The following ACSBG2 variants were observed in gnomAD, a reference collection of about 807,000 sequenced individuals.
ACSBG2 encodes the protein acyl-CoA synthetase bubblegum family member 2.
In ACSBG2, 62 loss-of-function variants were observed where a neutral mutation model predicts 74.7. The observed-to-expected ratio is 0.83, with a 90% confidence interval of 0.68 to 1.03. The LOEUF is 1.03. Ranked by LOEUF, ACSBG2 falls within the 50% of genes least tolerant of loss-of-function variation. The pLI, the probability that ACSBG2 is intolerant of heterozygous loss-of-function variation, is 0.00. For missense variants in ACSBG2, 730 were observed against 817.6 expected, an observed-to-expected ratio of 0.89 and a Z score of 1.31; for synonymous variants, 309 against 294.1, an observed-to-expected ratio of 1.05 and a Z score of -0.52.
intron 5 of ACSBG2, chr19:6,160,513 T>G (rs2089572478): frequency 6.6e-6 from 1 of 152,098 alleles, no homozygotes; most frequent in Admixed American, 6.6e-5. Flanking sequence ...TCATGAAGGA[T>G]TTTTATTGCC....
intron 7 of ACSBG2, among the ~76,000 whole-genome samples, chr19:6,166,499 A>G (rs916406755): frequency 6.6e-6 from 1 of 152,022 alleles, no homozygotes; most frequent in African/African-American, 2.4e-5. Flanking sequence ...TGTTTATTAG[A>G]GACAGGGTTT....
intron 1 of ACSBG2, among the ~76,000 whole-genome samples, chr19:6,140,406 G>T (rs2088777411): frequency 6.6e-6 from 1 of 152,118 alleles, no homozygotes; most frequent in African/African-American, 2.4e-5. Flanking sequence ...TCGGCCAGGC[G>T]CAATGGCTTA....
rs769276499 is a variant in ACSBG2 at position 6,156,596 on chromosome 19, C to T, written c.507+45C>T. 11 of 1,486,536 alleles carry T rather than the reference C, an allele frequency of 7.4e-6. No homozygotes were observed. The African/African-American group carries it at 1.4e-4, about 19-fold the overall frequency. The allele number at this position is 1,486,536 out of a possible 1,614,324, so 92.1% of individuals were successfully genotyped here. A position where few individuals can be genotyped will look rare whatever the true frequency, so the allele number is the denominator to read the frequency against. The stretch of plus-strand genomic sequence containing the variant: ...TGCCTGCCAAAGTCACCCAGGGGTA[C>T]CTCAGGGCTCTGGGCAGGTGTTCTT... On this transcript the variant is annotated intron_variant, in intron 5 of 14. Transcript: ENST00000588485.
At chr19:6,156,738 G>A (rs1178461159) in intron 5 of ACSBG2, among the ~76,000 whole-genome samples, 187 bp downstream of exon 5, 1 of 151,918 alleles carries the variant, frequency 6.6e-6, no homozygotes, top group African/African-American at 2.4e-5. Flanking sequence ...CTGAAATAGA[G>A]GAGTTTGATT....
intron 2 of ACSBG2, among the ~76,000 whole-genome samples, chr19:6,143,720 T>TACTCCTCATCACCCCCA (rs2145008576): frequency 6.6e-6 from 1 of 152,310 alleles, no homozygotes; most frequent in Non-Finnish European, 1.5e-5. Context: ...CTAGATGCTC[T>TACTCCTCATCACCCCCA]TCTCCTCATC....
At position 6,166,029 on chromosome 19, in the gene ACSBG2, C is replaced by T; in HGVS notation, c.738+14C>T. On this transcript the variant is annotated intron_variant, in intron 7 of 14. Transcript: ENST00000588485. ...AGTCATGACAACGTACGCCAAAGTC[C>T]CTTTGCTCTGGAGTGGTGGCCTTTG... The T allele has an allele frequency of 6.2e-7, 1 of 1,613,404 alleles. No homozygotes were observed. The highest frequency in any genetic ancestry group is 8.5e-7 in the Non-Finnish European group (1 of 1,179,730).
chr19:6,143,321 T>C (rs924775081), intron 2 of ACSBG2, among the ~76,000 whole-genome samples: 4 of 151,784 alleles, frequency 2.6e-5, no homozygotes, highest in Admixed American at 6.6e-5. Flanking sequence ...GGTAGTGAGG[T>C]TGCAGTGAGC....
At position 6,165,954 on chromosome 19, in the gene ACSBG2, T is replaced by C; in HGVS notation, c.677T>C (p.Val226Ala). 6.2e-7 allele frequency: 1 copy of C among 1,613,628 alleles called. No individual in the cohort carries two copies. Among genetic ancestry groups the C allele is most frequent in the Non-Finnish European group, 8.5e-7 (1 of 1,179,850 alleles). Residue 226 changes from valine to alanine, a missense_variant, in exon 7 of 15, where the codon GTG becomes GCG. Transcript: ENST00000588485. The stretch of plus-strand genomic sequence containing the variant: ...AGCCAGAAGGCGAATCAATGCGCAG[T>C]GCTCATCTACACTTCAGGGACCACA... The part of the protein sequence containing the change: ...IESQKANQCA[V>A]LIYTSGTTGI...
chr19:6,151,377 A>G (rs913585468), intron 3 of ACSBG2, among the ~76,000 whole-genome samples: 7 of 152,090 alleles, frequency 4.6e-5, no homozygotes, highest in African/African-American at 1.7e-4. Flanking sequence ...GTGCAATCAT[A>G]GCTCACTGCA....
At chr19:6,161,545 C>T (rs970004468) in intron 6 of ACSBG2, 8 of 390,246 alleles carry the variant, frequency 2.0e-5, no homozygotes, top group Middle Eastern at 7.4e-4. Flanking sequence ...GGGGTGTGAC[C>T]TTACAAGGGA....
intron 11 of ACSBG2, among the ~76,000 whole-genome samples, chr19:6,186,718 T>G (rs2090418013): frequency 6.6e-6 from 1 of 152,194 alleles, no homozygotes; most frequent in Non-Finnish European, 1.5e-5. Context: ...TACTATTTTA[T>G]TTTTCAGAGA....
Position 6,180,523 on chromosome 19 carries a change from A to G in ACSBG2, c.907-2228A>G, listed in dbSNP as rs2090217481. On this transcript the variant is annotated intron_variant, in intron 8 of 14. Coordinates refer to ENST00000588485, the MANE Select transcript of ACSBG2 (RefSeq NM_030924.5). The surrounding 1 kb of genome is among the most constrained non-coding windows in gnomAD (Gnocchi z 4.3). The stretch of plus-strand genomic sequence containing the variant: ...CTGAATACATAATACATACACATTT[A>G]CCTACAGGACCTGAGAAGTTCCCAT... Among the ~76,000 whole-genome samples the G allele has an allele frequency of 6.6e-6, 1 of 152,172 alleles. No homozygotes were observed. The highest frequency in any genetic ancestry group is 1.5e-5 in the Non-Finnish European group (1 of 68,034).
At chr19:6,171,662 T>A (rs6510879) in intron 7 of ACSBG2, among the ~76,000 whole-genome samples, 10,923 of 152,152 alleles carry the variant, frequency 0.072, 717 homozygotes, top group African/African-American at 0.18. Flanking sequence ...TTTTTCTACA[T>A]TGACCTTGGT....
intron 1 of ACSBG2, among the ~76,000 whole-genome samples, chr19:6,138,431 G>A (rs1182596022): frequency 3.4e-5 from 5 of 146,962 alleles, no homozygotes; most frequent in Non-Finnish European, 7.5e-5. Flanking sequence ...CTGAGCTGAT[G>A]GAATTAGCTA....
intron 13 of ACSBG2, among the ~76,000 whole-genome samples, chr19:6,189,438 A>G (rs1001770333): frequency 1.3e-5 from 2 of 152,206 alleles, no homozygotes; most frequent in African/African-American, 4.8e-5. Flanking sequence ...GTGTGGATGG[A>G]AGAATCAGAG....
rs781480607 is a variant in ACSBG2, at chr19:6,187,315, C to A, written c.1573C>A (p.Pro525Thr). Residue 525 changes from proline (P) to threonine (T), a missense_variant, in exon 12 of 15, where the codon CCC (proline) becomes ACC (threonine). Transcript: ENST00000588485. ...ILITAGGENV[P>T]PIPVETLVKK... ...TATCACTGCTGGTGGTGAAAATGTG[C>A]CCCCCATTCCTGTTGAGACCTTGGT... 1 of 1,614,106 alleles carries A rather than the reference C, an allele frequency of 6.2e-7. No individual in the cohort carries two copies. Among genetic ancestry groups the A allele is most frequent in the Admixed American group, 1.7e-5 (1 of 60,002 alleles).
chr19:6,147,271 A>G (rs138075395), intron 2 of ACSBG2, among the ~76,000 whole-genome samples, 175 bp from the exon 3 acceptor site: 1 of 152,202 alleles, frequency 6.6e-6, no homozygotes, highest in Non-Finnish European at 1.5e-5. Flanking sequence ...GGAATGAAAA[A>G]ATAAATAAAG....
Position 6,166,031 on chromosome 19 carries a change from T to C in ACSBG2, c.738+16T>C, listed in dbSNP as rs776284630. The C allele has an allele frequency of 6.2e-7, 1 of 1,613,184 alleles. No homozygotes were observed. On this transcript the variant is annotated intron_variant, in intron 7 of 14. Coordinates refer to ENST00000588485, the MANE Select transcript of ACSBG2 (RefSeq NM_030924.5). ...TCATGACAACGTACGCCAAAGTCCC[T>C]TTGCTCTGGAGTGGTGGCCTTTGGG...
rs983225594 is a variant in ACSBG2, at chr19:6,152,216, G to A, written c.386+421G>A. Among the ~76,000 whole-genome samples the A allele has an allele frequency of 7.3e-5, 11 of 151,576 alleles. 1 individual carries two copies. The highest frequency in any genetic ancestry group is 4.2e-4 in the South Asian group (2 of 4,818). Reference sequence around the variant, plus strand: ...CAGCCTTGAAGTCTTGGGCTCATGCGATCCTCCCAACTCGGCCTCCAGGGT... The same window carrying A: ...CAGCCTTGAAGTCTTGGGCTCATGCAATCCTCCCAACTCGGCCTCCAGGGT... On this transcript the variant is annotated intron_variant, in intron 4 of 14. Coordinates refer to ENST00000588485, the MANE Select transcript of ACSBG2 (RefSeq NM_030924.5).
Sources: allele counts gnomAD v4.1 joint callset (sites outside exome capture counted in the v4.1 genomes callset), GRCh38; gene constraint gnomAD v4.1.1; non-coding constraint Gnocchi (gnomAD v3.1); transcripts MANE v1.5; gene names NCBI Gene and HGNC (gene_info 2026-07-23, HGNC 2026-07-21).